Variants in LDLRAP1 observed in about 807,000 individuals in gnomAD.
The protein encoded by LDLRAP1 is low density lipoprotein receptor adaptor protein 1, also known as low density lipoprotein receptor adapter protein 1.
Under a neutral mutation model 37.8 loss-of-function variants are expected in LDLRAP1, and 30 were observed. The observed-to-expected ratio is 0.79, with a 90% confidence interval of 0.59 to 1.08. The LOEUF is 1.08. LDLRAP1 is among the 50% of genes least tolerant of loss of function. The pLI is 0.00. For missense variants in LDLRAP1, 375 were observed against 401.6 expected, an observed-to-expected ratio of 0.93 and a Z score of 0.57; for synonymous variants, 156 against 169.8, an observed-to-expected ratio of 0.92 and a Z score of 0.63.
intron 4 of LDLRAP1, 141 bp downstream of exon 4, chr1:25,557,408 G>C: frequency 1.4e-6 from 1 of 693,860 alleles, no homozygotes; most frequent in Non-Finnish European, 2.5e-6. Context: ...GGAACCCCAA[G>C]TGGGTGCCGA....
At chr1:25,562,803 C>A in intron 5 of LDLRAP1, 87 bp downstream of exon 5, 1 of 1,161,130 alleles carries the variant, frequency 8.6e-7, no homozygotes, top group Non-Finnish European at 1.3e-6. Flanking sequence ...CGACTTCCTG[C>A]CTCATCACCC....
chr1:25,564,198 G>A (rs924115076), intron 7 of LDLRAP1: 2 of 315,218 alleles, frequency 6.3e-6, no homozygotes, highest in Non-Finnish European at 1.2e-5. Flanking sequence ...AGGGACTCAG[G>A]GCAAGCCCCC....
At chr1:25,547,314 C>T (rs1267680000) in intron 1 of LDLRAP1, among the ~76,000 whole-genome samples, 2 of 151,946 alleles carry the variant, frequency 1.3e-5, no homozygotes, top group East Asian at 1.9e-4. Flanking sequence ...GAAACCCCAT[C>T]TCTACTTAAA....
At chr1:25,571,178 C>T (rs551500905), downstream of LDLRAP1, among the ~76,000 whole-genome samples, 11 of 152,344 alleles carry the variant, frequency 7.2e-5, no homozygotes, top group South Asian at 4.1e-4. Context: ...CCAGCTACCA[C>T]GGAAGACACT....
the LDLRAP1 span, among the ~76,000 whole-genome samples, chr1:25,585,309 G>A: frequency 0.049 from 7,510 of 151,904 alleles, 616 homozygotes; most frequent in African/African-American, 0.17. Flanking sequence ...GGGGAAGCCG[G>A]GTTTTTTGTT....
chr1:25,557,632 CA>C (rs1469455230), intron 4 of LDLRAP1, among the ~76,000 whole-genome samples: 7 of 152,104 alleles, frequency 4.6e-5, no homozygotes, highest in South Asian at 2.1e-4. Context: ...AATGGGAGAT[CA>C]GGGGGGCCTA....
At position 25,563,127 on chromosome 1, in the gene LDLRAP1, A is replaced by C; in HGVS notation, c.590A>C (p.Gln197Pro). 1 of 1,613,972 alleles carries C rather than the reference A, an allele frequency of 6.2e-7. No individual in the cohort carries two copies. The highest frequency in any genetic ancestry group is 8.5e-7 in the Non-Finnish European group (1 of 1,179,960). Reference sequence around the variant, plus strand: ...GGAGGGGACGTCCTGGGGGCCCGCCAAGACTGCACCCCCTCCTTGAAGAGC... The same window carrying C: ...GGAGGGGACGTCCTGGGGGCCCGCCCAGACTGCACCCCCTCCTTGAAGAGC... ...QEGGDVLGAR[Q>P]DCTPSLKSLV... is the part of the protein sequence containing the mutation. Residue 197 changes from glutamine to proline, a missense_variant, in exon 6 of 9, where the codon CAA becomes CCA. Physicochemically the swap from Gln to Pro is moderately conservative, Grantham distance 76. Transcript: ENST00000374338.
intron 4 of LDLRAP1, among the ~76,000 whole-genome samples, chr1:25,562,372 G>A (rs114457474): frequency 0.012 from 1,797 of 152,356 alleles, 31 homozygotes; most frequent in African/African-American, 0.039. Flanking sequence ...TAGAGTGAGA[G>A]TGAGAACTTT....
chr1:25,552,330 C>G (rs980120459), intron 1 of LDLRAP1, among the ~76,000 whole-genome samples: 4 of 152,206 alleles, frequency 2.6e-5, no homozygotes, highest in Admixed American at 6.5e-5. Context: ...CTTCCTGTGG[C>G]TTTTCAATCA....
chr1:25,553,139 C>T (rs1327000438), intron 1 of LDLRAP1, among the ~76,000 whole-genome samples: 1 of 152,142 alleles, frequency 6.6e-6, no homozygotes, highest in Non-Finnish European at 1.5e-5. Context: ...GGGAGGAAAG[C>T]AGTGCAGGCT....
At chr1:25,573,779 G>A (rs1259302976), downstream of LDLRAP1, among the ~76,000 whole-genome samples, 1 of 152,198 alleles carries the variant, frequency 6.6e-6, no homozygotes, top group Non-Finnish European at 1.5e-5. Context: ...AGCACCCCGG[G>A]GCTATTTCAC....
Position 25,554,202 on chromosome 1 carries a change from C to T in LDLRAP1, c.231+138C>T. On this transcript the variant is annotated intron_variant, in intron 2 of 8. Coordinates refer to ENST00000374338, the MANE Select transcript of LDLRAP1 (RefSeq NM_015627.3). The surrounding 1 kb of genome is among the most constrained non-coding windows in gnomAD (Gnocchi z 5.4). ...TGCCCTTCATTCTCCTTCCATCCAG[C>T]TTTTGGGCCTTGGCAGAGGGGAACC... The T allele has an allele frequency of 1.8e-6, 2 of 1,124,150 alleles. No homozygotes were observed. Among genetic ancestry groups the T allele is most frequent in the South Asian group, 1.4e-5 (1 of 69,250 alleles). The allele number at this position is 1,124,150 out of a possible 1,614,324, so 69.6% of individuals were successfully genotyped here.
intron 1 of LDLRAP1, among the ~76,000 whole-genome samples, chr1:25,548,349 T>TC (rs1302390754): frequency 1.4e-5 from 2 of 144,458 alleles, no homozygotes; most frequent in Non-Finnish European, 3.0e-5. Flanking sequence ...TTTTTTTTTT[T>TC]TTTTTTTTTT....
chr1:25,566,505 G>A (rs1305867562), intron 8 of LDLRAP1, among the ~76,000 whole-genome samples: 1 of 152,116 alleles, frequency 6.6e-6, no homozygotes, highest in Non-Finnish European at 1.5e-5. Context: ...AATCTTCCGT[G>A]TTCCCTCCCA....
intron 4 of LDLRAP1, among the ~76,000 whole-genome samples, chr1:25,561,930 G>C (rs2044350557): frequency 6.6e-6 from 1 of 152,114 alleles, no homozygotes; most frequent in African/African-American, 2.4e-5. Context: ...CGAGGAGTCT[G>C]GGACTGGTGA....
chr1:25,544,806 C>T lies in LDLRAP1; in HGVS notation c.88+1020C>T, dbSNP rs1285663951. ...CCACCTCCCTGCCACCTACTTCGGG[C>T]CACAGCTTCTCCCCTCATCAGGAAA... is the stretch of plus-strand genomic sequence containing the variant. On this transcript the variant is annotated intron_variant, in intron 1 of 8. Transcript: ENST00000374338. This position sits in a 1 kb window ranked among gnomAD's most constrained non-coding sequence, Gnocchi z 4.8. Among the ~76,000 whole-genome samples the T allele has an allele frequency of 6.6e-6, 1 of 152,220 alleles. No individual in the cohort carries two copies. Among genetic ancestry groups the T allele is most frequent in the Non-Finnish European group, 1.5e-5 (1 of 68,028 alleles).
intron 7 of LDLRAP1, 150 bp from the exon 8 acceptor site, chr1:25,565,023 C>T (rs528793958): frequency 6.3e-6 from 5 of 792,050 alleles, no homozygotes; most frequent in South Asian, 2.8e-5. Context: ...TGCACCCAGG[C>T]AGGAGGCCTG....
the LDLRAP1 span, chr1:25,581,855 G>C: frequency 1.3e-5 from 2 of 152,316 alleles, no homozygotes; most frequent in Admixed American, 1.3e-4. Context: ...CAGCCCCGTA[G>C]GGCTCAGGTT....
chr1:25,543,803 C>G lies in LDLRAP1; in HGVS notation c.88+17C>G. 1 of 1,201,760 alleles carries G rather than the reference C, an allele frequency of 8.3e-7. No individual in the cohort carries two copies. The highest frequency in any genetic ancestry group is 1.0e-6 in the Non-Finnish European group (1 of 967,770). The allele number at this position is 1,201,760 out of a possible 1,614,324, so 74.4% of individuals were successfully genotyped here. On this transcript the variant is annotated intron_variant, in intron 1 of 8. Transcript: ENST00000374338. ...GGCACCGCAGTGAGTGTGCGCGCGT[C>G]AGCCGGGCCGGGCCGGGATCGGGCA...
Sources: gnomAD v4.1 joint callset for allele counts (sites outside exome capture counted in the v4.1 genomes callset) on GRCh38, gnomAD v4.1.1 for gene constraint, Gnocchi (gnomAD v3.1) non-coding constraint, MANE v1.5 for transcripts, NCBI Gene and HGNC (gene_info 2026-07-23, HGNC 2026-07-21) for gene names.